CD44: variants seen among roughly 807,000 people sequenced by gnomAD.
CD44 encodes CD44 antigen.
A neutral mutation model predicts 88.8 loss-of-function variants in CD44; 49 were observed. The ratio of observed to expected loss-of-function variants is 0.55; its 90% confidence interval spans 0.44 to 0.70. The LOEUF is 0.70. CD44 is among the 30% of genes least tolerant of loss of function. The pLI, the probability that CD44 is intolerant of heterozygous loss-of-function variation, is 0.00. For missense variants in CD44, 883 were observed against 913.8 expected, an observed-to-expected ratio of 0.97 and a Z score of 0.43; for synonymous variants, 325 against 312.3, an observed-to-expected ratio of 1.04 and a Z score of -0.43.
intron 3 of CD44, among the ~76,000 whole-genome samples, chr11:35,181,966 T>A (rs1318471968): frequency 1.2e-5 from 1 of 80,830 alleles, no homozygotes; most frequent in East Asian, 2.4e-4. Context: ...ATTTTATATA[T>A]ATAAATATTA....
intron 3 of CD44, among the ~76,000 whole-genome samples, chr11:35,185,382 A>G (rs1302674690): frequency 6.6e-6 from 1 of 152,224 alleles, no homozygotes; most frequent in Non-Finnish European, 1.5e-5. Context: ...AGAAATGGGC[A>G]GGTTAAGGTT....
At chr11:35,202,810 G>C (rs573459851) in intron 9 of CD44, among the ~76,000 whole-genome samples, 1 of 152,270 alleles carries the variant, frequency 6.6e-6, no homozygotes, top group South Asian at 2.1e-4. Flanking sequence ...ACGGCTTAGG[G>C]GTTAAGTTAA....
intron 1 of CD44, among the ~76,000 whole-genome samples, chr11:35,171,087 AATG>A (rs1342878912): frequency 2.6e-5 from 4 of 152,254 alleles, no homozygotes; most frequent in Non-Finnish European, 5.9e-5. Context: ...ATACACAATG[AATG>A]CACAATAAAT....
At chr11:35,175,572 A>G (rs188354827) in intron 1 of CD44, among the ~76,000 whole-genome samples, 1 of 152,354 alleles carries the variant, frequency 6.6e-6, no homozygotes, top group African/African-American at 2.4e-5. Context: ...GGAAGAAGAT[A>G]TAGAAAAGTG....
intron 3 of CD44, among the ~76,000 whole-genome samples, chr11:35,181,713 A>T (rs1223073522): frequency 7.6e-6 from 1 of 131,340 alleles, no homozygotes; most frequent in South Asian, 2.2e-4. Flanking sequence ...TATATTTATA[A>T]ATATTTATTT....
intron 17 of CD44, chr11:35,223,127 T>C (rs1422660364): frequency 1.0e-6 from 1 of 985,316 alleles, no homozygotes; most frequent in East Asian, 1.1e-4. Context: ...AAAGTAGTTA[T>C]GCTACCTGAT....
intron 1 of CD44, among the ~76,000 whole-genome samples, chr11:35,145,136 G>A (rs1426447584): frequency 1.3e-5 from 2 of 152,174 alleles, no homozygotes; most frequent in Non-Finnish European, 2.9e-5. Flanking sequence ...CCCCTTAAAG[G>A]GGAAAATAAC....
In CD44 at chr11:35,204,552, CCAG is replaced by C; in HGVS notation, c.1195_1197del (p.Gln399del). Reference sequence around the variant, plus strand: ...GTAGTACAACGGAAGAAACAGCTACCCAGAAGGAACAGTGGTTTGGCAACAGAT... The same window carrying C: ...GTAGTACAACGGAAGAAACAGCTACCAAGGAACAGTGGTTTGGCAACAGAT... On this transcript the variant is annotated inframe_deletion, in exon 10 of 18. Coordinates refer to ENST00000428726, the MANE Select transcript of CD44 (RefSeq NM_000610.4). 1 of 1,613,350 alleles carries C rather than the reference CCAG, an allele frequency of 6.2e-7. No homozygotes were observed. The highest frequency in any genetic ancestry group is 8.5e-7 in the Non-Finnish European group (1 of 1,179,472).
intron 1 of CD44, among the ~76,000 whole-genome samples, chr11:35,172,370 A>G (rs999463505): frequency 2.6e-5 from 4 of 152,296 alleles, no homozygotes; most frequent in Admixed American, 2.0e-4. Context: ...TCTGGGCACA[A>G]TGGTTTTGGC....
intron 1 of CD44, among the ~76,000 whole-genome samples, chr11:35,164,650 GC>G (rs150954782): frequency 2.0e-5 from 3 of 152,158 alleles, no homozygotes; most frequent in Non-Finnish European, 2.9e-5. Context: ...TATTTACCCA[GC>G]CCAGTCTCCT....
chr11:35,195,090 G>A (rs1458850935), intron 5 of CD44, among the ~76,000 whole-genome samples: 1 of 152,204 alleles, frequency 6.6e-6, no homozygotes, highest in Admixed American at 6.5e-5. Context: ...AGCTCCCTGG[G>A]TGTGTGGCTC....
At position 35,161,958 on chromosome 11, in the gene CD44, G is replaced by A. The variant is rs563080720; in HGVS notation, c.68-14617G>A. Among the ~76,000 whole-genome samples, 14 of 152,266 alleles carry A rather than the reference G, an allele frequency of 9.2e-5. No individual in the cohort carries two copies. In the South Asian group the frequency reaches 2.7e-3, roughly 29 times the overall value. On this transcript the variant is annotated intron_variant, in intron 1 of 17. Coordinates refer to ENST00000428726, the MANE Select transcript of CD44 (RefSeq NM_000610.4). Reference sequence around the variant, plus strand: ...TAGACATACAGACCACCTGTCAAAAGAGCCCTGTCATTCTCTATTATATTA... The same window carrying A: ...TAGACATACAGACCACCTGTCAAAAAAGCCCTGTCATTCTCTATTATATTA...
chr11:35,196,885 A>G lies in CD44; in HGVS notation c.796+11A>G. The G allele has an allele frequency of 6.2e-7, 1 of 1,612,218 alleles. No individual in the cohort carries two copies. The highest frequency in any genetic ancestry group is 8.5e-7 in the Non-Finnish European group (1 of 1,178,710). On this transcript the variant is annotated intron_variant, in intron 6 of 17. Coordinates refer to ENST00000428726, the MANE Select transcript of CD44 (RefSeq NM_000610.4). ...CAACACAAATGGCTGGTAATGAGTT[A>G]TTATTATCTCATAGCGTATGTTTTC...
chr11:35,147,096 G>T (rs1429248366), intron 1 of CD44, among the ~76,000 whole-genome samples: 1 of 152,182 alleles, frequency 6.6e-6, no homozygotes, highest in Non-Finnish European at 1.5e-5. Context: ...GATGTGAATT[G>T]AGTTGTTTGT....
intron 1 of CD44, among the ~76,000 whole-genome samples, chr11:35,139,978 T>G (rs1857579937): frequency 1.3e-5 from 2 of 152,212 alleles, no homozygotes; most frequent in African/African-American, 4.8e-5. Flanking sequence ...GAACCAGCTC[T>G]GCGGTGAGGT....
intron 13 of CD44, 36 bp downstream of exon 13, chr11:35,210,090 G>A (rs1948252927): frequency 1.6e-6 from 2 of 1,245,320 alleles, no homozygotes; most frequent in Non-Finnish European, 2.2e-6. Flanking sequence ...TTCAGCTATT[G>A]ATAAGAATCA....
In CD44 at chr11:35,205,922, A is replaced by C. The variant is rs911742785; in HGVS notation, c.1283-190A>C. 4 of 1,240,544 alleles carry C rather than the reference A, an allele frequency of 3.2e-6. No individual in the cohort carries two copies. In the African/African-American group the frequency reaches 6.3e-5, roughly 19 times the overall value. 76.8% of individuals were successfully genotyped at this position (1,240,544 alleles called of 1,614,324 possible). ...AGTTCACATGCTGATTGCTAAGAAG[A>C]AAATGAGCATGAGTGAACCCAAAGC... On this transcript the variant is annotated intron_variant, in intron 10 of 17. Coordinates refer to ENST00000428726, the MANE Select transcript of CD44 (RefSeq NM_000610.4).
chr11:35,164,735 T>G (rs1943064772), intron 1 of CD44, among the ~76,000 whole-genome samples: 1 of 152,198 alleles, frequency 6.6e-6, no homozygotes, highest in Non-Finnish European at 1.5e-5. Flanking sequence ...TATGAAAAAC[T>G]TTAAGTTGCA....
chr11:35,139,965 C>G (rs983072919), intron 1 of CD44, among the ~76,000 whole-genome samples: 3 of 152,244 alleles, frequency 2.0e-5, no homozygotes, highest in Non-Finnish European at 4.4e-5. Flanking sequence ...GCTGTGGAAG[C>G]TTGAACCAGC....
Sources: allele counts gnomAD v4.1 joint callset (sites outside exome capture counted in the v4.1 genomes callset), GRCh38; gene constraint gnomAD v4.1.1; transcripts MANE v1.5; gene names NCBI Gene and HGNC (gene_info 2026-07-23, HGNC 2026-07-21).